FNDC3B: variants seen among roughly 807,000 people sequenced by gnomAD.
FNDC3B encodes fibronectin type III domain-containing protein 3B.
FNDC3B carries 12 observed loss-of-function variants against 151.5 expected under a neutral mutation model. That is an observed-to-expected ratio of 0.08 (90% CI 0.05 to 0.13). The LOEUF is 0.13. Among genes scored for constraint, FNDC3B ranks in the 10% least tolerant of loss-of-function variants. FNDC3B has a pLI of 1.00. For missense variants in FNDC3B, 1,214 were observed against 1,505.3 expected (o/e 0.81, Z 3.20); for synonymous variants, 528 against 549.0 (o/e 0.96, Z 0.54).
intron 1 of FNDC3B, among the ~76,000 whole-genome samples, chr3:172,062,704 CTT>C (rs148424802): frequency 6.7e-6 from 1 of 149,242 alleles, no homozygotes; most frequent in Non-Finnish European, 1.5e-5. Flanking sequence ...TTTCTAAGTA[CTT>C]TTTTTTTTGA....
In FNDC3B at chr3:172,078,851, C is replaced by A. The variant is rs539715810; in HGVS notation, c.-28-33601C>A. ...CAGGTAAAAGTTTTCAATGTTCCTGCCCAAGGCAGCCTGCTAAAGGAAGTT... is the reference window on the plus strand; with the variant it reads ...CAGGTAAAAGTTTTCAATGTTCCTGACCAAGGCAGCCTGCTAAAGGAAGTT... On this transcript the variant is annotated intron_variant, in intron 1 of 25. Coordinates refer to ENST00000415807, the MANE Select transcript of FNDC3B (RefSeq NM_022763.4). 2.2e-4 allele frequency among the ~76,000 whole-genome samples: 34 copies of A among 152,276 alleles called. 1 individual carries two copies. In the South Asian group the frequency reaches 5.6e-3, roughly 25 times the overall value.
intron 25 of FNDC3B, among the ~76,000 whole-genome samples, chr3:172,390,894 C>T (rs949219475): frequency 1.2e-4 from 18 of 151,984 alleles, no homozygotes; most frequent in African/African-American, 2.9e-4. Context: ...CAGCAGGAGC[C>T]GTGGTGGGAT....
intron 21 of FNDC3B, among the ~76,000 whole-genome samples, chr3:172,350,540 T>G (rs1012277805): frequency 6.6e-6 from 1 of 151,972 alleles, no homozygotes; most frequent in African/African-American, 2.4e-5. Context: ...AGAAAGAGAG[T>G]TGAGGTATTG....
intron 7 of FNDC3B, among the ~76,000 whole-genome samples, chr3:172,286,261 C>G (rs1022910253): frequency 6.6e-6 from 1 of 151,348 alleles, no homozygotes; most frequent in African/African-American, 2.4e-5. Flanking sequence ...TTTTTTCTCT[C>G]TCTTTTTTCA....
chr3:172,045,767 TC>T lies in FNDC3B; in HGVS notation c.-29+5997del, dbSNP rs1250464494. Among the ~76,000 whole-genome samples, 46 of 17,496 alleles carry T rather than the reference TC, an allele frequency of 2.6e-3. 2 individuals are homozygous for T. In the East Asian group the frequency reaches 0.065, roughly 25 times the overall value. The allele number at this position is 17,496 out of a possible 152,430, so 11.5% of individuals were successfully genotyped here. ...GCTTTGTACTTTAGTTTACTGAGTG[TC>T]TCTCTCTCTCTCTCTCTCTCTCTCT... On this transcript the variant is annotated intron_variant, in intron 1 of 25. Transcript: ENST00000415807.
intron 4 of FNDC3B, among the ~76,000 whole-genome samples, chr3:172,246,913 G>T (rs1231901449): frequency 6.6e-6 from 1 of 152,140 alleles, no homozygotes; most frequent in African/African-American, 2.4e-5. Flanking sequence ...CTGATTTGGG[G>T]TTACTTAAGT....
At chr3:172,236,260 A>G (rs183377575) in intron 4 of FNDC3B, among the ~76,000 whole-genome samples, 27 of 152,302 alleles carry the variant, frequency 1.8e-4, no homozygotes, top group Admixed American at 1.8e-3. Context: ...TTTGGTATTT[A>G]GGTCAGTAAT....
intron 1 of FNDC3B, among the ~76,000 whole-genome samples, chr3:172,046,334 TTC>T (rs1286228780): frequency 6.6e-6 from 1 of 152,112 alleles, no homozygotes; most frequent in Non-Finnish European, 1.5e-5. Flanking sequence ...CTAATTTTTT[TTC>T]TTTTTCTTTT....
chr3:172,244,175 A>G (rs1283578755), intron 4 of FNDC3B, among the ~76,000 whole-genome samples: 1 of 152,176 alleles, frequency 6.6e-6, no homozygotes, highest in Non-Finnish European at 1.5e-5. Context: ...AGCACATAGT[A>G]TGTGTCAGGA....
chr3:172,285,479 A>C (rs962671091), intron 6 of FNDC3B, among the ~76,000 whole-genome samples: 1 of 152,234 alleles, frequency 6.6e-6, no homozygotes, highest in African/African-American at 2.4e-5. Context: ...TTAAGTAAAC[A>C]AGTAAAAACA....
intron 11 of FNDC3B, among the ~76,000 whole-genome samples, chr3:172,319,956 A>G (rs1047860282): frequency 1.3e-5 from 2 of 152,178 alleles, no homozygotes; most frequent in East Asian, 1.9e-4. Context: ...CCTTCAGCCC[A>G]TGTCTGGATT....
intron 3 of FNDC3B, among the ~76,000 whole-genome samples, chr3:172,207,614 G>A (rs996344825): frequency 6.6e-6 from 1 of 152,138 alleles, no homozygotes; most frequent in African/African-American, 2.4e-5. Flanking sequence ...CATGGGCGGG[G>A]CCTGGAAAAA....
chr3:172,327,293 CTG>C, intron 11 of FNDC3B, among the ~76,000 whole-genome samples: 1 of 152,074 alleles, frequency 6.6e-6, no homozygotes, highest in East Asian at 1.9e-4. Flanking sequence ...ATCTTAAAGA[CTG>C]TTAGAACTCT....
chr3:172,381,519 A>ATT (rs1735435479), intron 25 of FNDC3B, among the ~76,000 whole-genome samples: 2 of 151,068 alleles, frequency 1.3e-5, no homozygotes, highest in Non-Finnish European at 2.9e-5. Flanking sequence ...TGTGTAGAAT[A>ATT]TGCAGGTTTG....
intron 17 of FNDC3B, 128 bp from the exon 18 acceptor site, chr3:172,342,883 G>A: frequency 1.7e-6 from 1 of 595,444 alleles, no homozygotes; most frequent in Non-Finnish European, 3.1e-6. Context: ...ACCATAATGT[G>A]CACACATTTA....
At chr3:172,189,475 G>A (rs928130177) in intron 3 of FNDC3B, among the ~76,000 whole-genome samples, 1 of 152,136 alleles carries the variant, frequency 6.6e-6, no homozygotes, top group African/African-American at 2.4e-5. Context: ...TGAAAGTAGT[G>A]CCTTCTTAAA....
intron 3 of FNDC3B, among the ~76,000 whole-genome samples, chr3:172,206,504 C>G (rs1448132506): frequency 6.6e-6 from 1 of 151,612 alleles, no homozygotes; most frequent in Non-Finnish European, 1.5e-5. Flanking sequence ...ACTAAAAATA[C>G]AAAAATTAGC....
At chr3:172,137,652 GAA>G (rs886632563) in intron 3 of FNDC3B, among the ~76,000 whole-genome samples, 2 of 150,212 alleles carry the variant, frequency 1.3e-5, no homozygotes, top group African/African-American at 4.9e-5. Flanking sequence ...TATTAAAAAA[GAA>G]AAAAAAATGT....
At chr3:172,372,564 G>A (rs554550180) in intron 23 of FNDC3B, among the ~76,000 whole-genome samples, 2 of 152,312 alleles carry the variant, frequency 1.3e-5, no homozygotes, top group African/African-American at 4.8e-5. Context: ...CACCAAATTA[G>A]ATGAGTGATT....
Sources: allele counts gnomAD v4.1 joint callset (sites outside exome capture counted in the v4.1 genomes callset), GRCh38; gene constraint gnomAD v4.1.1; transcripts MANE v1.5; gene names NCBI Gene and HGNC (gene_info 2026-07-23, HGNC 2026-07-21).